Variants in SYN1 observed in about 807,000 individuals in gnomAD.
The protein encoded by SYN1 is synapsin-1.
A neutral mutation model predicts 44.6 loss-of-function variants in SYN1; 8 were observed. The ratio of observed to expected loss-of-function variants is 0.18; its 90% CI spans 0.11 to 0.32. The LOEUF (loss-of-function observed/expected upper bound fraction) is 0.32, where lower values mean the gene tolerates loss of function less well. Among genes scored for constraint, SYN1 ranks in the 10% least tolerant of loss-of-function variants. The probability of loss-of-function intolerance (pLI) is 1.00; values close to 1 mark genes in which losing one functional copy is unlikely to be tolerated. For synonymous variants in SYN1, 275 were observed against 280.1 expected, an observed-to-expected ratio of 0.98 and a Z score of 0.18; for missense variants, 451 against 639.4, an observed-to-expected ratio of 0.71 and a Z score of 3.18.
chrX:47,594,563 G>A (rs1220478916), intron 5 of SYN1, among the ~76,000 whole-genome samples: 1 of 107,397 alleles, frequency 9.3e-6, no homozygotes, highest in African/African-American at 3.4e-5. Context: ...GAAAAAAAAA[G>A]ACCTCCCTTT....
intron 12 of SYN1, 59 bp downstream of exon 12, chrX:47,573,943 T>C: frequency 1.9e-6 from 2 of 1,047,008 alleles, no homozygotes; most frequent in Non-Finnish European, 2.5e-6. Context: ...GCTGCTCTAC[T>C]GGGGCAGCGG....
chrX:47,605,750 C>T (rs573375672), intron 3 of SYN1, among the ~76,000 whole-genome samples: 1 of 111,183 alleles, frequency 9.0e-6, no homozygotes, highest in South Asian at 3.8e-4. Flanking sequence ...AAGCACTTCC[C>T]CCCTAGATAT....
Position 47,574,606 on chromosome X carries a change from A to T in SYN1, c.1394-16T>A. On this transcript the variant is annotated splice_polypyrimidine_tract_variant and intron_variant, in intron 11 of 12. Transcript: ENST00000295987. ...GGAGGGCCGCCTGGGGGACAGAGGG[A>T]GAGAAAGAGCACACGTGAGAGTGAG... 1 of 1,103,246 alleles carries T rather than the reference A, an allele frequency of 9.1e-7. No homozygotes were observed. The highest frequency in any genetic ancestry group is 1.2e-6 in the Non-Finnish European group (1 of 826,634). 90.9% of individuals were successfully genotyped at this position (1,103,246 alleles called of 1,213,427 possible).
chrX:47,585,895 C>T (rs1259763740), intron 5 of SYN1: 3 of 1,131,052 alleles, frequency 2.7e-6, no homozygotes, highest in Admixed American at 2.6e-5. Flanking sequence ...TCACCTGTCC[C>T]TCCCTGGTCC....
At chrX:47,613,096 G>A (rs1311248593) in intron 1 of SYN1, among the ~76,000 whole-genome samples, 1 of 89,881 alleles carries the variant, frequency 1.1e-5, no homozygotes, top group Non-Finnish European at 2.1e-5. Flanking sequence ...TCGTGCCACA[G>A]CACCAGCCTG....
In SYN1 at chrX:47,606,754, T is replaced by A. The variant is rs943563075; in HGVS notation, c.527+191A>T. Among the ~76,000 whole-genome samples, 893 of 105,028 alleles carry A rather than the reference T, an allele frequency of 8.5e-3. 15 individuals carry two copies. Among genetic ancestry groups the A allele is most frequent in the African/African-American group, 0.03 (853 of 28,477 alleles). The allele number at this position is 105,028 out of a possible 115,157, so 91.2% of individuals were successfully genotyped here. A position where few individuals can be genotyped will look rare whatever the true frequency, so the allele number is the denominator to read the frequency against. On this transcript the variant is annotated intron_variant, in intron 3 of 12. Transcript: ENST00000295987. ...AAATATATATATATATATATATATT[T>A]TTTTTTAAAGTCTGACTTGTGGCAT...
intron 5 of SYN1, chrX:47,585,354 T>TG (rs2147918884): frequency 3.3e-6 from 4 of 1,210,624 alleles, no homozygotes; most frequent in Non-Finnish European, 4.5e-6. Flanking sequence ...CCCCGCGCCC[T>TG]GTGCCACACC....
chrX:47,582,585 C>T, intron 5 of SYN1: 2 of 367,568 alleles, frequency 5.4e-6, no homozygotes, highest in South Asian at 2.5e-5. Flanking sequence ...TCAGCTTGGC[C>T]TGCGGGTACC....
intron 5 of SYN1, chrX:47,583,275 C>CCAA (rs2057807386): frequency 2.3e-6 from 1 of 438,589 alleles, no homozygotes; most frequent in Admixed American, 4.2e-5. Flanking sequence ...CCTAAGCTTA[C>CCAA]CAACCCCTCA....
chrX:47,576,462 G>A (rs1187485862), intron 7 of SYN1, 36 bp downstream of exon 7: 1 of 1,210,721 alleles, frequency 8.3e-7, no homozygotes, highest in East Asian at 3.0e-5. Context: ...AGGCAAGGCA[G>A]GGGACCCCTT....
chrX:47,598,357 TATAA>T (rs2057869629), intron 5 of SYN1, among the ~76,000 whole-genome samples: 1 of 109,199 alleles, frequency 9.2e-6, no homozygotes, highest in South Asian at 3.9e-4. Context: ...ATTGGAGTAA[TATAA>T]ATAATGATGT....
chrX:47,575,403 A>C, intron 9 of SYN1, 129 bp from the exon 10 acceptor site: 3 of 837,936 alleles, frequency 3.6e-6, no homozygotes, highest in Non-Finnish European at 5.1e-6. Flanking sequence ...CTGATTGTGC[A>C]CGGTGAGGAA....
At position 47,575,347 on chromosome X, in the gene SYN1, A is replaced by C. The variant is rs866413993; in HGVS notation, c.1159-73T>G. The C allele has an allele frequency of 8.7e-6, 10 of 1,144,022 alleles. No individual in the cohort carries two copies. In the Middle Eastern group the frequency reaches 7.8e-4, roughly 89 times the overall value. 94.3% of individuals were successfully genotyped at this position (1,144,022 alleles called of 1,213,427 possible). A position where few individuals can be genotyped will look rare whatever the true frequency, so the allele number is the denominator to read the frequency against. On this transcript the variant is annotated intron_variant, in intron 9 of 12. Transcript: ENST00000295987. ...GAGGCGGCAGTAACACCGTGCTTTC[A>C]GTTGGCCAAGGGCATGGCCGCCGCT...
chrX:47,576,523 T>C lies in SYN1; in HGVS notation c.955A>G (p.Ile319Val). The C allele has an allele frequency of 4.1e-6, 5 of 1,211,773 alleles. No homozygotes were observed. Among genetic ancestry groups the C allele is most frequent in the Non-Finnish European group, 5.6e-6 (5 of 895,567 alleles). Residue 319 changes from isoleucine (I) to valine (V), a missense_variant, in exon 7 of 13, where the codon ATT (isoleucine) becomes GTT (valine). Coordinates refer to ENST00000295987, the MANE Select transcript of SYN1 (RefSeq NM_006950.3). ...ATGTAGGCCTTGTAGTTCTGCCCAA[T>C]CTTCTGGACACGCACGTCATATTTG... is the stretch of plus-strand genomic sequence containing the variant. ...DAKYDVRVQK[I>V]GQNYKAYMRT... is the part of the protein sequence containing the mutation.
At chrX:47,589,565 C>T (rs1315577762) in intron 5 of SYN1, among the ~76,000 whole-genome samples, 1 of 99,057 alleles carries the variant, frequency 1.0e-5, no homozygotes, top group African/African-American at 3.8e-5. Context: ...CACTGCACTC[C>T]AGCCTGGGCA....
At chrX:47,586,780 C>T in intron 5 of SYN1, 2 of 1,077,419 alleles carry the variant, frequency 1.9e-6, no homozygotes, top group Non-Finnish European at 2.5e-6. Flanking sequence ...TAAAGAGTTA[C>T]CACCCAGCAG....
In SYN1 at chrX:47,588,831, C is replaced by G. The variant is rs764925130; in HGVS notation, c.775-11330G>C. On this transcript the variant is annotated intron_variant, in intron 5 of 12. Coordinates refer to ENST00000295987, the MANE Select transcript of SYN1 (RefSeq NM_006950.3). ...AGCCATGTGGTATTCAGCATGGGAC[C>G]CAGCTCAGTGGGGAGCCTGGGGGGC... 1.2e-3 allele frequency among the ~76,000 whole-genome samples: 135 copies of G among 111,708 alleles called. 1 individual carries two copies. Among genetic ancestry groups the G allele is most frequent in the African/African-American group, 4.2e-3 (128 of 30,751 alleles).
intron 5 of SYN1, chrX:47,604,746 T>C (rs2057891079): frequency 2.4e-6 from 1 of 414,409 alleles, no homozygotes; most frequent in Admixed American, 4.1e-5. Context: ...CTGGCAAAAA[T>C]AGACAACATG....
intron 1 of SYN1, among the ~76,000 whole-genome samples, chrX:47,607,849 T>C (rs1309064634): frequency 9.1e-6 from 1 of 109,973 alleles, no homozygotes; most frequent in Non-Finnish European, 1.9e-5. Context: ...CTGACCAACA[T>C]GGTGAAACCC....
Sources: gnomAD v4.1 joint callset for allele counts (sites outside exome capture counted in the v4.1 genomes callset) on GRCh38, gnomAD v4.1.1 for gene constraint, MANE v1.5 for transcripts, NCBI Gene and HGNC (gene_info 2026-07-23, HGNC 2026-07-21) for gene names.